Variants in KLC1 observed in about 807,000 individuals in gnomAD.
KLC1 encodes kinesin light chain 1, also known as kinesin 2 60/70kDa.
In KLC1, 30 loss-of-function variants were observed where a neutral mutation model predicts 84.2. The observed-to-expected ratio is 0.36, with a 90% CI of 0.27 to 0.48. KLC1 has a LOEUF of 0.48. Ranked by LOEUF, KLC1 falls within the 20% of genes least tolerant of loss-of-function variation. KLC1 has a pLI of 0.99. For synonymous variants in KLC1, 289 were observed against 293.3 expected, an observed-to-expected ratio of 0.99 and a Z score of 0.15; for missense variants, 499 against 805.4, an observed-to-expected ratio of 0.62 and a Z score of 4.60.
chr14:103,661,513 A>C (rs2079290813), intron 3 of KLC1, among the ~76,000 whole-genome samples: 1 of 152,214 alleles, frequency 6.6e-6, no homozygotes, highest in Admixed American at 6.5e-5. Flanking sequence ...TCCGGAGCCA[A>C]ACAGTGTTCA....
In KLC1 at chr14:103,699,265, G is replaced by T. The variant is rs938878023; in HGVS notation, c.1849-1390G>T. The T allele has an allele frequency of 2.6e-6, 4 of 1,539,606 alleles. No homozygotes were observed. In the African/African-American group the frequency reaches 5.5e-5, roughly 21 times the overall value. ...AGGCTGCTACCCGCAGGAGCCGGAG[G>T]CCACCTCACTGCCACCCGCCCCACC... On this transcript the variant is annotated intron_variant, in intron 15 of 16. Coordinates refer to ENST00000334553, the MANE Select transcript of KLC1 (RefSeq NM_001394837.1).
intron 3 of KLC1, among the ~76,000 whole-genome samples, chr14:103,660,164 T>C (rs921135828): frequency 1.8e-4 from 28 of 152,124 alleles, no homozygotes; most frequent in African/African-American, 6.5e-4. Flanking sequence ...TCCTCTAGGT[T>C]AGGGGCCAAC....
intron 1 of KLC1, among the ~76,000 whole-genome samples, chr14:103,640,423 C>T (rs1288940776): frequency 1.3e-5 from 2 of 151,630 alleles, no homozygotes; most frequent in South Asian, 2.1e-4. Context: ...TGCAGTGGCG[C>T]GATCTCTGCT....
At chr14:103,688,775 C>G (rs1234598609) in intron 14 of KLC1, among the ~76,000 whole-genome samples, 16 of 152,082 alleles carry the variant, frequency 1.1e-4, no homozygotes, top group Admixed American at 1.0e-3. Flanking sequence ...TTTAGGAGCC[C>G]CACAAATGTT....
At chr14:103,681,599 C>T (rs2081343984) in intron 13 of KLC1, among the ~76,000 whole-genome samples, 1 of 152,092 alleles carries the variant, frequency 6.6e-6, no homozygotes, top group African/African-American at 2.4e-5. Flanking sequence ...GCTGGGATTA[C>T]AGGTGTGCGC....
Position 103,663,102 on chromosome 14 carries a change from C to T in KLC1, c.797+175C>T, listed in dbSNP as rs1472668516. 1.6e-4 allele frequency among the ~76,000 whole-genome samples: 24 copies of T among 145,970 alleles called. 1 individual carries two copies. The highest frequency in any genetic ancestry group is 7.3e-3 in the Middle Eastern group (2 of 274). On this transcript the variant is annotated intron_variant, in intron 5 of 16. Coordinates refer to ENST00000334553, the MANE Select transcript of KLC1 (RefSeq NM_001394837.1). ...AGCAAGCTTTTTTTTTTTTTTGAGA[C>T]GGAGTCTCGTTCTGTCACCCAGGCT...
chr14:103,698,368 C>G (rs1469291842), intron 15 of KLC1: 2 of 243,668 alleles, frequency 8.2e-6, no homozygotes, highest in Non-Finnish European at 1.6e-5. Context: ...GAGGGGAGAC[C>G]CTCGTGGGCA....
rs757117013 is a variant in KLC1 at position 103,673,288 on chromosome 14, TA to T, written c.1162-43del. On this transcript the variant is annotated intron_variant, in intron 8 of 16. Transcript: ENST00000334553. ...TGGAGATTAAAATGTATGCTTTATT[TA>T]CATCTGAAAGATATGAAATATTTTA... 7 of 1,548,510 alleles carry T rather than the reference TA, an allele frequency of 4.5e-6. No homozygotes were observed. In the East Asian group the frequency reaches 1.4e-4, roughly 31 times the overall value.
intron 15 of KLC1, chr14:103,696,091 C>CGGGGGG: frequency 9.4e-6 from 7 of 744,646 alleles, no homozygotes; most frequent in Non-Finnish European, 1.0e-5. Flanking sequence ...ATAATCACTG[C>CGGGGGG]GCCCCCGCCC....
At chr14:103,691,680 G>T (rs2082126691) in intron 14 of KLC1, among the ~76,000 whole-genome samples, 1 of 151,820 alleles carries the variant, frequency 6.6e-6, no homozygotes, top group South Asian at 2.1e-4. Context: ...TGTTGCTCAG[G>T]CTGGTCTCAA....
intron 1 of KLC1, among the ~76,000 whole-genome samples, chr14:103,650,984 TGTCA>T (rs2078388645): frequency 6.6e-6 from 1 of 152,010 alleles, no homozygotes; most frequent in Admixed American, 6.6e-5. Context: ...TAAGTAGACT[TGTCA>T]GTCGTTTACA....
At chr14:103,677,311 C>A in intron 11 of KLC1, 104 bp from the exon 12 acceptor site, 1 of 750,422 alleles carries the variant, frequency 1.3e-6, no homozygotes, top group South Asian at 1.6e-5. Flanking sequence ...AAAATATATT[C>A]AAGCCAAAAC....
At chr14:103,662,232 G>A (rs1435517034) in intron 4 of KLC1, 38 bp downstream of exon 4, 2 of 1,486,568 alleles carry the variant, frequency 1.3e-6, no homozygotes, top group South Asian at 1.1e-5. Context: ...ACCGAGTGCA[G>A]AAGAGAGGTG....
chr14:103,686,094 A>G (rs1261652860), intron 13 of KLC1: 1 of 1,006,760 alleles, frequency 9.9e-7, no homozygotes, highest in Non-Finnish European at 1.2e-6. Flanking sequence ...TCCCTAGGAT[A>G]TGCCCCAGTA....
chr14:103,652,926 C>T (rs2078570324), intron 1 of KLC1, among the ~76,000 whole-genome samples: 1 of 152,126 alleles, frequency 6.6e-6, no homozygotes, highest in South Asian at 2.1e-4. Flanking sequence ...AATCATTTTT[C>T]CAGTGTGTGA....
intron 1 of KLC1, among the ~76,000 whole-genome samples, chr14:103,635,895 G>A (rs767472045): frequency 6.6e-6 from 1 of 152,038 alleles, no homozygotes; most frequent in African/African-American, 2.4e-5. Flanking sequence ...TTTGCTTCGC[G>A]GTATAAGCTT....
chr14:103,664,542 A>T (rs1262690983), intron 5 of KLC1, among the ~76,000 whole-genome samples: 4 of 150,730 alleles, frequency 2.7e-5, no homozygotes, highest in Non-Finnish European at 4.4e-5. Flanking sequence ...TTGCAAAAAA[A>T]TTTTTTTTTT....
chr14:103,654,539 ATTTC>A, intron 1 of KLC1, 21 bp from the exon 2 acceptor site: 1 of 1,561,394 alleles, frequency 6.4e-7, no homozygotes, highest in South Asian at 1.2e-5. Context: ...GAGGGATCTA[ATTTC>A]TTTTTCTTTT....
Position 103,662,904 on chromosome 14 carries a change from C to T in KLC1, c.774C>T (p.Leu258=), listed in dbSNP as rs199754610. 1.2e-6 allele frequency: 2 copies of T among 1,612,874 alleles called. No homozygotes were observed. The highest frequency in any genetic ancestry group is 4.5e-5 in the East Asian group (2 of 44,862). The change falls in exon 5 of 17, where the codon CTC becomes CTT. Residue 258 remains leucine, a synonymous_variant. Transcript: ENST00000334553. ...GHDHPDVATM[L]NILALVYRDQ... ...ACCACCCGGACGTGGCCACCATGCT[C>T]AACATCCTGGCCTTGGTGTACAGGC... is the stretch of plus-strand genomic sequence containing the variant.
Sources: allele counts gnomAD v4.1 joint callset (sites outside exome capture counted in the v4.1 genomes callset), GRCh38; gene constraint gnomAD v4.1.1; transcripts MANE v1.5; gene names NCBI Gene and HGNC (gene_info 2026-07-23, HGNC 2026-07-21).